The following CIMIP4 variants were observed in gnomAD, a reference collection of about 807,000 sequenced individuals.
CIMIP4 encodes ciliary microtubule inner protein 4.
At chr22:36,998,252 C>T in the CIMIP4 span, among the ~76,000 whole-genome samples, 1 of 152,122 alleles carries the variant, frequency 6.6e-6, no homozygotes, top group African/African-American at 2.4e-5. Context: ...CTGGAAGGCC[C>T]GGAACAGAGA....
the CIMIP4 span, among the ~76,000 whole-genome samples, chr22:36,999,182 C>T: frequency 4.0e-5 from 6 of 150,832 alleles, no homozygotes; most frequent in East Asian, 2.0e-4. Flanking sequence ...GTGGGGAGGG[C>T]GCAGTGACTC....
chr22:36,994,882 G>T, the CIMIP4 span, among the ~76,000 whole-genome samples: 2 of 151,996 alleles, frequency 1.3e-5, no homozygotes, highest in South Asian at 4.2e-4. Context: ...CACCCGCCTC[G>T]GCCTCCCAAA....
the CIMIP4 span, chr22:37,002,086 G>T: frequency 2.9e-5 from 47 of 1,595,566 alleles, no homozygotes; most frequent in Non-Finnish European, 3.9e-5. Context: ...GAGAATCCCT[G>T]CTGGCAGCAG....
the CIMIP4 span, among the ~76,000 whole-genome samples, chr22:36,994,405 G>T: frequency 6.6e-6 from 1 of 151,874 alleles, no homozygotes; most frequent in Non-Finnish European, 1.5e-5. Context: ...TATAACCTCC[G>T]CCTACCTCCG....
the CIMIP4 span, among the ~76,000 whole-genome samples, chr22:36,992,151 A>T: frequency 6.6e-6 from 1 of 152,110 alleles, no homozygotes; most frequent in Non-Finnish European, 1.5e-5. Flanking sequence ...GTTCGAGACC[A>T]GCCTGACCAA....
chr22:37,006,387 G>T, the CIMIP4 span, among the ~76,000 whole-genome samples: 4 of 152,316 alleles, frequency 2.6e-5, no homozygotes, highest in East Asian at 7.7e-4. Context: ...TTTCAAAACC[G>T]CTATGGAACA....
At chr22:36,994,883 G>T in the CIMIP4 span, among the ~76,000 whole-genome samples, 1 of 152,226 alleles carries the variant, frequency 6.6e-6, no homozygotes. Flanking sequence ...ACCCGCCTCG[G>T]CCTCCCAAAG....
the CIMIP4 span, among the ~76,000 whole-genome samples, chr22:36,999,505 G>C: frequency 1.0e-5 from 1 of 96,848 alleles, no homozygotes; most frequent in Non-Finnish European, 2.0e-5. Flanking sequence ...AACAAAAGAA[G>C]GGAAGGAAAG....
At chr22:37,001,894 G>A in the CIMIP4 span, 4 of 1,612,358 alleles carry the variant, frequency 2.5e-6, no homozygotes, top group East Asian at 2.2e-5. Context: ...GGCGAATGTT[G>A]TTAGGAATGA....
the CIMIP4 span, chr22:37,007,329 T>G: frequency 6.6e-6 from 1 of 152,250 alleles, no homozygotes; most frequent in Non-Finnish European, 1.5e-5. Flanking sequence ...TAATTTATCT[T>G]CTTTCACAGA....
At chr22:37,001,946 G>C in the CIMIP4 span, 2 of 1,613,842 alleles carry the variant, frequency 1.2e-6, no homozygotes, top group Non-Finnish European at 1.7e-6. Context: ...CTGGTCCTGA[G>C]CCCCCAAGCT....
chr22:37,003,792 T>G, the CIMIP4 span, among the ~76,000 whole-genome samples: 2 of 152,156 alleles, frequency 1.3e-5, no homozygotes, highest in Admixed American at 6.5e-5. Flanking sequence ...CGTTCCCTCC[T>G]TTTTCCTTCT....
the CIMIP4 span, among the ~76,000 whole-genome samples, chr22:37,006,071 C>A: frequency 2.0e-5 from 3 of 152,092 alleles, no homozygotes; most frequent in Non-Finnish European, 4.4e-5. Context: ...AACCATAGGA[C>A]CTCTAGGAAG....
the CIMIP4 span, chr22:36,999,764 A>G: frequency 2.0e-6 from 3 of 1,532,792 alleles, no homozygotes; most frequent in Non-Finnish European, 2.6e-6. Context: ...TGGAGTGGAA[A>G]CCCCAAAGGC....
chr22:36,991,335 G>C, the CIMIP4 span: 4 of 1,587,914 alleles, frequency 2.5e-6, no homozygotes, highest in African/African-American at 5.4e-5. Context: ...CTCTGGAGTT[G>C]CCCAGACCCC....
the CIMIP4 span, among the ~76,000 whole-genome samples, chr22:36,993,078 C>A: frequency 2.1e-5 from 3 of 146,270 alleles, no homozygotes; most frequent in African/African-American, 5.1e-5. Flanking sequence ...GTGGCTCAAT[C>A]TTGGCTCACT....
At chr22:37,006,985 G>T in the CIMIP4 span, among the ~76,000 whole-genome samples, 2 of 152,206 alleles carry the variant, frequency 1.3e-5, no homozygotes, top group Non-Finnish European at 2.9e-5. Flanking sequence ...AAGGAACTCA[G>T]AGTGGCCTCT....
the CIMIP4 span, among the ~76,000 whole-genome samples, chr22:36,998,275 G>A: frequency 1.3e-5 from 2 of 152,182 alleles, no homozygotes; most frequent in Admixed American, 1.3e-4. Context: ...AAGCAGAACT[G>A]TATTCTCGCT....
chr22:37,007,197 A>C, the CIMIP4 span, among the ~76,000 whole-genome samples: 1 of 152,266 alleles, frequency 6.6e-6, no homozygotes, highest in South Asian at 2.1e-4. Context: ...AAGCCCACTA[A>C]GTTTTGGGGT....
Sources: gnomAD v4.1 joint callset for allele counts (sites outside exome capture counted in the v4.1 genomes callset) on GRCh38, gnomAD v4.1.1 for gene constraint, MANE v1.5 for transcripts, NCBI Gene and HGNC (gene_info 2026-07-23, HGNC 2026-07-21) for gene names.